FBXO34: variants seen among roughly 807,000 people sequenced by gnomAD.
The protein encoded by FBXO34 is F-box only protein 34.
In FBXO34, 12 loss-of-function variants were observed where a neutral mutation model predicts 24.5. The observed-to-expected ratio is 0.49, with a 90% CI of 0.31 to 0.79. The LOEUF is 0.79. Among genes scored for constraint, FBXO34 ranks in the 30% least tolerant of loss-of-function variants. FBXO34 has a pLI of 0.04. For missense variants in FBXO34, 823 were observed against 857.7 expected, an observed-to-expected ratio of 0.96 and a Z score of 0.51; for synonymous variants, 320 against 311.9, an observed-to-expected ratio of 1.03 and a Z score of -0.27.
chr14:55,422,348 C>G, the FBXO34 span, among the ~76,000 whole-genome samples: 3 of 152,006 alleles, frequency 2.0e-5, no homozygotes, highest in African/African-American at 7.2e-5. Context: ...TAGGTTCAAG[C>G]GATTCTCCTG....
chr14:55,400,766 T>C, the FBXO34 span, among the ~76,000 whole-genome samples: 2 of 152,014 alleles, frequency 1.3e-5, 1 homozygote, highest in African/African-American at 4.8e-5. Context: ...TAGCCAGGTG[T>C]GGTGGCGGGC....
chr14:55,414,281 G>T, the FBXO34 span: 4 of 926,884 alleles, frequency 4.3e-6, no homozygotes, highest in South Asian at 6.6e-5. Context: ...TAACGTACTT[G>T]TAACATCTAC....
intron 1 of FBXO34, among the ~76,000 whole-genome samples, chr14:55,274,312 C>T (rs1881263461): frequency 6.6e-6 from 1 of 152,124 alleles, no homozygotes; most frequent in African/African-American, 2.4e-5. Flanking sequence ...GACTGAGGGA[C>T]AACGACAGAT....
the FBXO34 span, among the ~76,000 whole-genome samples, chr14:55,423,471 AG>A: frequency 6.6e-6 from 1 of 152,252 alleles, no homozygotes; most frequent in Non-Finnish European, 1.5e-5. Context: ...TAGCAAACAA[AG>A]AAGGAACATT....
chr14:55,392,632 T>C, the FBXO34 span, among the ~76,000 whole-genome samples: 2 of 127,834 alleles, frequency 1.6e-5, no homozygotes, highest in African/African-American at 6.0e-5. Flanking sequence ...CTGGGTGATA[T>C]AGCAAGACTC....
chr14:55,286,100 A>G (rs1172103002), intron 1 of FBXO34, among the ~76,000 whole-genome samples: 2 of 152,086 alleles, frequency 1.3e-5, no homozygotes, highest in Non-Finnish European at 2.9e-5. Flanking sequence ...TTTCCTTCCA[A>G]ATTCCTTCCA....
At chr14:55,285,331 T>C (rs1881721937) in intron 1 of FBXO34, 1 of 151,370 alleles carries the variant, frequency 6.6e-6, no homozygotes, top group Non-Finnish European at 1.5e-5. Flanking sequence ...GGTAGTGCAG[T>C]TGCACTCCAG....
chr14:55,330,822 T>TA (rs1883508770), intron 1 of FBXO34, among the ~76,000 whole-genome samples: 1 of 152,140 alleles, frequency 6.6e-6, no homozygotes, highest in Non-Finnish European at 1.5e-5. Context: ...GGCACACACA[T>TA]ACCTTGCTCC....
downstream of FBXO34, among the ~76,000 whole-genome samples, chr14:55,372,711 CTCCT>C (rs141683602): frequency 0.058 from 8,821 of 151,962 alleles, 320 homozygotes; most frequent in South Asian, 0.089. Flanking sequence ...TTTACCACAG[CTCCT>C]TCCTTCTTTC....
the FBXO34 span, among the ~76,000 whole-genome samples, chr14:55,382,663 G>T: frequency 1.3e-5 from 2 of 152,096 alleles, no homozygotes; most frequent in Non-Finnish European, 2.9e-5. Context: ...GAATTTAACT[G>T]AAATATACGT....
At chr14:55,331,673 A>ATATATATGTG (rs1883546066) in intron 1 of FBXO34, among the ~76,000 whole-genome samples, 4 of 66,662 alleles carry the variant, frequency 6.0e-5, no homozygotes, top group African/African-American at 3.5e-4. Context: ...TGGTGTGTGT[A>ATATATATGTG]TATATATATA....
At chr14:55,343,969 T>G (rs139704019) in intron 1 of FBXO34, among the ~76,000 whole-genome samples, 1 of 152,342 alleles carries the variant, frequency 6.6e-6, no homozygotes, top group East Asian at 1.9e-4. Context: ...TTTACTTTTT[T>G]AAGCTGAACT....
the FBXO34 span, among the ~76,000 whole-genome samples, chr14:55,421,422 A>C: frequency 6.6e-6 from 1 of 152,188 alleles, no homozygotes; most frequent in Non-Finnish European, 1.5e-5. Flanking sequence ...GTTTTGCTGC[A>C]TTCAAAACGT....
At chr14:55,396,302 T>C in the FBXO34 span, among the ~76,000 whole-genome samples, 37 of 152,336 alleles carry the variant, frequency 2.4e-4, no homozygotes, top group African/African-American at 8.4e-4. Flanking sequence ...ACAAGAGAAT[T>C]AATGATCTAA....
At chr14:55,395,517 CG>C in the FBXO34 span, among the ~76,000 whole-genome samples, 1 of 152,114 alleles carries the variant, frequency 6.6e-6, no homozygotes, top group Non-Finnish European at 1.5e-5. Context: ...TGCACCTGGC[CG>C]GAAGTTTTAA....
Position 55,352,877 on chromosome 14 carries a change from C to A in FBXO34, c.*351C>A, listed in dbSNP as rs1419239442. ...TTCACTGCAGATGCTGCAGGTAGTC[C>A]TCAAAAATGGGTTCCAGAAATGTTT... is the stretch of plus-strand genomic sequence containing the variant. On this transcript the variant is annotated 3_prime_UTR_variant, in exon 2 of 2. Transcript: ENST00000313833. The A allele has an allele frequency of 1.5e-5, 3 of 206,136 alleles. No individual in the cohort carries two copies. Among genetic ancestry groups the A allele is most frequent in the Non-Finnish European group, 3.2e-5 (3 of 93,600 alleles). The allele number at this position is 206,136 out of a possible 1,614,324, so 12.8% of individuals were successfully genotyped here.
the FBXO34 span, among the ~76,000 whole-genome samples, chr14:55,427,710 G>T: frequency 6.6e-6 from 1 of 152,046 alleles, no homozygotes; most frequent in African/African-American, 2.4e-5. Context: ...CACCAAAACG[G>T]CTGGGGGCGG....
the FBXO34 span, among the ~76,000 whole-genome samples, chr14:55,406,199 A>G: frequency 6.6e-6 from 1 of 152,204 alleles, no homozygotes; most frequent in Admixed American, 6.5e-5. Flanking sequence ...ACTAAAACCT[A>G]GATATTCAGC....
the FBXO34 span, chr14:55,391,293 G>T: frequency 2.0e-4 from 39 of 197,006 alleles, 1 homozygote; most frequent in African/African-American, 9.0e-4. Context: ...GGCCAACATG[G>T]TGAAACCCCA....
Sources: gnomAD v4.1 joint callset for allele counts (sites outside exome capture counted in the v4.1 genomes callset) on GRCh38, gnomAD v4.1.1 for gene constraint, MANE v1.5 for transcripts, NCBI Gene and HGNC (gene_info 2026-07-23, HGNC 2026-07-21) for gene names.